Variants in DNAAF11 observed in about 807,000 individuals in gnomAD.
The protein encoded by DNAAF11 is dynein axonemal assembly factor 11.
In DNAAF11, 45 loss-of-function variants were observed where a neutral mutation model predicts 60.8. The ratio of observed to expected loss-of-function variants is 0.74; its 90% CI spans 0.58 to 0.95. The LOEUF is 0.95. Ranked by LOEUF, DNAAF11 falls within the 40% of genes least tolerant of loss-of-function variation. The pLI is 0.00. For synonymous variants in DNAAF11, 191 were observed against 183.5 expected (o/e 1.04, Z -0.33); for missense variants, 546 against 546.2 (o/e 1.00, Z 0.00).
At chr8:132,689,678 T>C in the DNAAF11 span, among the ~76,000 whole-genome samples, 1 of 151,310 alleles carries the variant, frequency 6.6e-6, no homozygotes, top group African/African-American at 2.5e-5. Flanking sequence ...CATATACATA[T>C]ATGTGTGTGT....
At chr8:132,601,302 G>T (rs775011776) in intron 10 of DNAAF11, among the ~76,000 whole-genome samples, 1 of 152,240 alleles carries the variant, frequency 6.6e-6, no homozygotes, top group South Asian at 2.1e-4. Context: ...TGGAGAAACA[G>T]GAACACTTTT....
chr8:132,621,362 A>G (rs1819743351), intron 7 of DNAAF11, among the ~76,000 whole-genome samples: 2 of 152,148 alleles, frequency 1.3e-5, no homozygotes, highest in Non-Finnish European at 2.9e-5. Context: ...CCATTTGGGT[A>G]TAAGATTCTG....
At chr8:132,635,181 A>C (rs1405607698) in intron 4 of DNAAF11, among the ~76,000 whole-genome samples, 1 of 152,150 alleles carries the variant, frequency 6.6e-6, no homozygotes, top group Admixed American at 6.5e-5. Context: ...ATTTCCTTCA[A>C]TCCAAAATCA....
At chr8:132,615,827 T>A (rs369452504) in intron 7 of DNAAF11, among the ~76,000 whole-genome samples, 1 of 152,206 alleles carries the variant, frequency 6.6e-6, no homozygotes, top group African/African-American at 2.4e-5. Flanking sequence ...TTTGAACATT[T>A]CAGTTACTGT....
At chr8:132,627,520 C>A (rs1192631042) in intron 5 of DNAAF11, among the ~76,000 whole-genome samples, 3 of 152,190 alleles carry the variant, frequency 2.0e-5, no homozygotes, top group Non-Finnish European at 4.4e-5. Context: ...CTTTTAAGAG[C>A]AGCATGATCT....
chr8:132,599,730 C>A (rs1817403378), intron 10 of DNAAF11, among the ~76,000 whole-genome samples: 1 of 152,158 alleles, frequency 6.6e-6, no homozygotes, highest in South Asian at 2.1e-4. Flanking sequence ...AACAGCCCTT[C>A]ATGCTAAAAA....
intron 2 of DNAAF11, among the ~76,000 whole-genome samples, chr8:132,658,211 G>A (rs540907444): frequency 6.6e-6 from 1 of 152,074 alleles, no homozygotes. Context: ...AGGATTTGGG[G>A]GAAAAAATTA....
At chr8:132,694,078 G>A in the DNAAF11 span, among the ~76,000 whole-genome samples, 5 of 152,180 alleles carry the variant, frequency 3.3e-5, no homozygotes, top group Admixed American at 1.3e-4. Context: ...AGCTGAAGAG[G>A]CAATTGCAGT....
chr8:132,579,240 T>G (rs1031601530), intron 11 of DNAAF11, among the ~76,000 whole-genome samples: 2 of 152,110 alleles, frequency 1.3e-5, no homozygotes, highest in Non-Finnish European at 2.9e-5. Flanking sequence ...TGAAGCAAGT[T>G]CCCTGTGCAC....
rs533018503 is a variant in DNAAF11 at position 132,572,602 on chromosome 8, A to G, written c.1227-122T>C. On this transcript the variant is annotated intron_variant, in intron 11 of 11. Transcript: ENST00000620350. ...GCAAGTAATATGCCTGGAGCACAGAAATAAAAGGAGAGAATGTCCCTAGCA... is the reference window on the plus strand; with the variant it reads ...GCAAGTAATATGCCTGGAGCACAGAGATAAAAGGAGAGAATGTCCCTAGCA... 1.7e-4 allele frequency: 103 copies of G among 607,028 alleles called. No homozygotes were observed. The African/African-American group carries it at 1.8e-3, about 10-fold the overall frequency. 37.6% of individuals were successfully genotyped at this position (607,028 alleles called of 1,614,324 possible). A position where few individuals can be genotyped will look rare whatever the true frequency, so the allele number is the denominator to read the frequency against.
chr8:132,682,917 C>T, the DNAAF11 span, among the ~76,000 whole-genome samples: 3 of 152,140 alleles, frequency 2.0e-5, no homozygotes, highest in African/African-American at 7.2e-5. Context: ...ACAACCAGCT[C>T]TCTCTGGTAT....
chr8:132,652,194 T>A (rs1026347808), intron 3 of DNAAF11, among the ~76,000 whole-genome samples: 2 of 152,198 alleles, frequency 1.3e-5, no homozygotes, highest in African/African-American at 4.8e-5. Flanking sequence ...AAGTGAAGTC[T>A]GCTAGTCAGC....
intron 10 of DNAAF11, among the ~76,000 whole-genome samples, chr8:132,600,719 A>G (rs966421411): frequency 1.3e-5 from 2 of 152,250 alleles, no homozygotes; most frequent in African/African-American, 4.8e-5. Context: ...CTGGCTAGCC[A>G]TATGTAGAAA....
chr8:132,679,657 T>TG (rs771732313), upstream of DNAAF11, among the ~76,000 whole-genome samples: 6 of 152,236 alleles, frequency 3.9e-5, no homozygotes, highest in Non-Finnish European at 8.8e-5. Context: ...AGGGACCTGG[T>TG]GGGAGGTAAT....
chr8:132,585,151 T>G (rs1315180824), intron 10 of DNAAF11, among the ~76,000 whole-genome samples: 1 of 152,204 alleles, frequency 6.6e-6, no homozygotes, highest in Non-Finnish European at 1.5e-5. Context: ...GAAGAAATGA[T>G]TCCCCATCTG....
At chr8:132,644,687 C>T (rs1292247287) in intron 3 of DNAAF11, among the ~76,000 whole-genome samples, 1 of 152,216 alleles carries the variant, frequency 6.6e-6, no homozygotes, top group African/African-American at 2.4e-5. Context: ...GAGATTATAT[C>T]CCATGCATGA....
intron 11 of DNAAF11, among the ~76,000 whole-genome samples, chr8:132,583,193 G>A (rs1815514182): frequency 6.6e-6 from 1 of 152,098 alleles, no homozygotes; most frequent in South Asian, 2.1e-4. Flanking sequence ...TAGTACCCCT[G>A]AGAGTTGAGG....
chr8:132,607,482 T>A (rs1420383781), intron 10 of DNAAF11, among the ~76,000 whole-genome samples: 2 of 152,074 alleles, frequency 1.3e-5, no homozygotes, highest in Non-Finnish European at 2.9e-5. Context: ...ACACAAAACA[T>A]AACCATGACC....
chr8:132,603,271 TGG>T (rs1258160693), intron 10 of DNAAF11, among the ~76,000 whole-genome samples: 1 of 152,140 alleles, frequency 6.6e-6, no homozygotes, highest in Non-Finnish European at 1.5e-5. Context: ...TATGAGAAGA[TGG>T]TAGTATGTAG....
Sources: gnomAD v4.1 joint callset for allele counts (sites outside exome capture counted in the v4.1 genomes callset) on GRCh38, gnomAD v4.1.1 for gene constraint, MANE v1.5 for transcripts, NCBI Gene and HGNC (gene_info 2026-07-23, HGNC 2026-07-21) for gene names.